Variants in NAA35 observed in about 807,000 individuals in gnomAD.
NAA35 encodes MAK10 homolog, amino-acid N-acetyltransferase subunit.
In NAA35, 18 loss-of-function variants were observed where a neutral mutation model predicts 101.7. The ratio of observed to expected loss-of-function variants is 0.18; its 90% CI spans 0.12 to 0.26. NAA35 has a LOEUF of 0.26. Among genes scored for constraint, NAA35 ranks in the 10% least tolerant of loss-of-function variants. The pLI is 1.00. For missense variants in NAA35, 601 were observed against 886.8 expected (o/e 0.68, Z 4.09); for synonymous variants, 267 against 273.1 (o/e 0.98, Z 0.22).
intron 13 of NAA35, 113 bp downstream of exon 13, chr9:86,003,757 G>C: frequency 1.8e-6 from 1 of 564,544 alleles, no homozygotes; most frequent in South Asian, 3.6e-5. Flanking sequence ...TCCAGTTAGT[G>C]TTGTGTATTT....
intron 2 of NAA35, among the ~76,000 whole-genome samples, chr9:85,948,963 G>C (rs1358748538): frequency 1.3e-5 from 2 of 151,980 alleles, no homozygotes; most frequent in Non-Finnish European, 2.9e-5. Context: ...CGCCCTGTTG[G>C]CCAGCCAGGT....
chr9:85,959,232 T>C (rs539229889), intron 4 of NAA35, among the ~76,000 whole-genome samples: 1 of 151,778 alleles, frequency 6.6e-6, no homozygotes, highest in Non-Finnish European at 1.5e-5. Flanking sequence ...AAAAATTAGC[T>C]GGGCGTGGTG....
At chr9:85,991,638 A>G (rs1830916407) in intron 11 of NAA35, among the ~76,000 whole-genome samples, 1 of 152,124 alleles carries the variant, frequency 6.6e-6, no homozygotes, top group Non-Finnish European at 1.5e-5. Flanking sequence ...TGAGGAGAGC[A>G]TCTCTAGAGG....
At chr9:85,967,568 G>A (rs1283893803) in intron 6 of NAA35, among the ~76,000 whole-genome samples, 3 of 152,090 alleles carry the variant, frequency 2.0e-5, no homozygotes, top group African/African-American at 7.2e-5. Flanking sequence ...AGCACTTTGA[G>A]AGGCCCGAGG....
rs368378268 is a variant in NAA35, at chr9:85,970,976, A to G, written c.517-3991A>G. Among the ~76,000 whole-genome samples the G allele has an allele frequency of 6.6e-5, 10 of 152,210 alleles. No homozygotes were observed. In the East Asian group the frequency reaches 7.7e-4, roughly 12 times the overall value. The stretch of plus-strand genomic sequence containing the variant: ...CTCACAAACTGTCTTCTCACTTGTT[A>G]AGATGAAAGCATTCCTGTTATAATC... On this transcript the variant is annotated intron_variant, in intron 6 of 22. Transcript: ENST00000361671.
At chr9:85,973,719 A>T (rs944176908) in intron 6 of NAA35, among the ~76,000 whole-genome samples, 28 of 151,960 alleles carry the variant, frequency 1.8e-4, no homozygotes, top group Admixed American at 1.8e-3. Context: ...AAAAGAGAAT[A>T]AGCTTATATA....
intron 22 of NAA35, 51 bp from the exon 23 acceptor site, chr9:86,021,850 C>T: frequency 7.4e-7 from 1 of 1,348,938 alleles, no homozygotes; most frequent in Middle Eastern, 1.8e-4. Flanking sequence ...GTTTTGTGTA[C>T]CATCTGAATA....
At chr9:85,970,897 A>T (rs1829971725) in intron 6 of NAA35, among the ~76,000 whole-genome samples, 1 of 152,190 alleles carries the variant, frequency 6.6e-6, no homozygotes, top group Non-Finnish European at 1.5e-5. Context: ...TCTGCAACTT[A>T]ATCTTGAAGG....
intron 12 of NAA35, among the ~76,000 whole-genome samples, chr9:86,000,559 A>G (rs951665009): frequency 6.6e-6 from 1 of 151,546 alleles, no homozygotes; most frequent in African/African-American, 2.4e-5. Flanking sequence ...GTTATTTATT[A>G]CTGATTCAGT....
intron 6 of NAA35, among the ~76,000 whole-genome samples, chr9:85,972,537 C>CG (rs1165705832): frequency 4.2e-4 from 58 of 138,340 alleles, no homozygotes; most frequent in African/African-American, 1.5e-3. Context: ...AAAAAAGGGT[C>CG]GGGGGGTGGA....
intron 2 of NAA35, among the ~76,000 whole-genome samples, chr9:85,951,004 A>G (rs886777488): frequency 6.6e-6 from 1 of 151,920 alleles, no homozygotes; most frequent in South Asian, 2.1e-4. Flanking sequence ...TGGGCGTGGC[A>G]GTGTGCACCT....
At chr9:86,010,569 ATTTTTTTTTT>A (rs377654981) in intron 15 of NAA35, among the ~76,000 whole-genome samples, 2 of 118,706 alleles carry the variant, frequency 1.7e-5, no homozygotes, top group African/African-American at 7.2e-5. Flanking sequence ...TAACCTTAGA[ATTTTTTTTTT>A]TTTTTTTTTT....
Position 86,022,046 on chromosome 9 carries a change from G to C in NAA35, c.*86G>C, listed in dbSNP as rs999601305. On this transcript the variant is annotated 3_prime_UTR_variant, in exon 23 of 23. Transcript: ENST00000361671. ...GGCACATCACCAGGCTCCACATCAC[G>C]GGAAGTGAGATGGATTTCTTGGGTA... 6.9e-5 allele frequency: 68 copies of C among 991,028 alleles called. No individual in the cohort carries two copies. In the African/African-American group the frequency reaches 1.1e-3, roughly 16 times the overall value. The allele number at this position is 991,028 out of a possible 1,614,324, so 61.4% of individuals were successfully genotyped here. A position where few individuals can be genotyped will look rare whatever the true frequency, so the allele number is the denominator to read the frequency against.
At chr9:85,970,691 A>G (rs1211129693) in intron 6 of NAA35, among the ~76,000 whole-genome samples, 1 of 152,184 alleles carries the variant, frequency 6.6e-6, no homozygotes, top group Non-Finnish European at 1.5e-5. Context: ...TTCAAAATAT[A>G]CTATTTTGAA....
chr9:85,963,750 A>T (rs1225944718), intron 6 of NAA35, among the ~76,000 whole-genome samples: 1 of 152,178 alleles, frequency 6.6e-6, no homozygotes, highest in Non-Finnish European at 1.5e-5. Context: ...TTCAAAGTAC[A>T]ACTAAAAGGC....
At chr9:86,012,790 C>G (rs545933264) in intron 15 of NAA35, among the ~76,000 whole-genome samples, 78 of 152,264 alleles carry the variant, frequency 5.1e-4, no homozygotes, top group Non-Finnish European at 9.6e-4. Context: ...AAGAAGATAT[C>G]TAAAGATCGA....
chr9:85,995,635 A>G (rs1831121528), intron 11 of NAA35, among the ~76,000 whole-genome samples: 1 of 152,180 alleles, frequency 6.6e-6, no homozygotes, highest in South Asian at 2.1e-4. Context: ...GGCATCTGAA[A>G]CCATATTTTT....
Position 85,978,401 on chromosome 9 carries a change from C to G in NAA35, c.877+20C>G. ...AAGGAGGTAATTGTTCAATTTGCTCCTACTCTTTCTTTTCTTCGTTTCTAT... is the reference window on the plus strand; with the variant it reads ...AAGGAGGTAATTGTTCAATTTGCTCGTACTCTTTCTTTTCTTCGTTTCTAT... On this transcript the variant is annotated intron_variant, in intron 11 of 22. Transcript: ENST00000361671. The G allele has an allele frequency of 4.8e-6, 7 of 1,471,792 alleles. No homozygotes were observed. Among genetic ancestry groups the G allele is most frequent in the Non-Finnish European group, 6.7e-6 (7 of 1,051,028 alleles). The allele number at this position is 1,471,792 out of a possible 1,614,324, so 91.2% of individuals were successfully genotyped here.
chr9:85,967,244 T>G (rs574873609), intron 6 of NAA35, among the ~76,000 whole-genome samples: 89 of 152,328 alleles, frequency 5.8e-4, no homozygotes, highest in Admixed American at 1.9e-3. Flanking sequence ...TAATTTATTA[T>G]GTATATTGAG....
Sources: gnomAD v4.1 joint callset for allele counts (sites outside exome capture counted in the v4.1 genomes callset) on GRCh38, gnomAD v4.1.1 for gene constraint, MANE v1.5 for transcripts, NCBI Gene and HGNC (gene_info 2026-07-23, HGNC 2026-07-21) for gene names.